Variants in CSMD3 observed in about 807,000 individuals in gnomAD.
CSMD3 encodes CUB and sushi domain-containing protein 3.
A neutral mutation model predicts 435.2 loss-of-function variants in CSMD3; 177 were observed. The ratio of observed to expected loss-of-function variants is 0.41; its 90% confidence interval spans 0.36 to 0.46. The LOEUF (loss-of-function observed/expected upper bound fraction) is 0.46. Ranked by LOEUF, CSMD3 falls within the 20% of genes least tolerant of loss-of-function variation. The probability of loss-of-function intolerance (pLI) is 0.34; values close to 1 mark genes in which losing one functional copy is unlikely to be tolerated. For synonymous variants in CSMD3, 1,656 were observed against 1,520.5 expected, an observed-to-expected ratio of 1.09 and a Z score of -2.07; for missense variants, 4,265 against 4,504.6, an observed-to-expected ratio of 0.95 and a Z score of 1.52.
intron 13 of CSMD3, among the ~76,000 whole-genome samples, chr8:112,799,006 G>C (rs1563971848): frequency 6.6e-6 from 1 of 150,998 alleles, no homozygotes. Flanking sequence ...CAAGTTGCCG[G>C]AAAAAAAAGA....
At chr8:112,827,868 C>A (rs1053327931) in intron 12 of CSMD3, among the ~76,000 whole-genome samples, 1 of 152,126 alleles carries the variant, frequency 6.6e-6, no homozygotes. Context: ...GAAGACAGTC[C>A]TAGCCAATTT....
intron 6 of CSMD3, among the ~76,000 whole-genome samples, chr8:112,982,149 A>AG (rs1188143104): frequency 1.3e-5 from 2 of 151,888 alleles, no homozygotes; most frequent in African/African-American, 4.8e-5. Flanking sequence ...TGCGTTTTGG[A>AG]GGTTTCTCCG....
intron 1 of CSMD3, among the ~76,000 whole-genome samples, chr8:113,429,802 G>A (rs1469250495): frequency 2.6e-5 from 4 of 151,978 alleles, no homozygotes; most frequent in Admixed American, 2.6e-4. Flanking sequence ...TCTGAGTTCT[G>A]GAATTAATGG....
chr8:112,950,379 G>A (rs945178959), intron 8 of CSMD3, among the ~76,000 whole-genome samples: 4 of 151,958 alleles, frequency 2.6e-5, no homozygotes, highest in African/African-American at 7.2e-5. Context: ...CATGACTTAA[G>A]CCTAACTACT....
At chr8:112,561,837 C>A (rs570148866) in intron 24 of CSMD3, among the ~76,000 whole-genome samples, 1 of 151,386 alleles carries the variant, frequency 6.6e-6, no homozygotes, top group Non-Finnish European at 1.5e-5. Context: ...TCATTTATTG[C>A]CTGGTATTGC....
rs746216392 is a variant in CSMD3 at position 112,404,127 on chromosome 8, A to G, written c.5809+2397T>C. ...AAATGACCAACCATCCTTCCTAGTTATTTGTGAGAGCCTAGTTTATACCAT... is the reference window on the plus strand; with the variant it reads ...AAATGACCAACCATCCTTCCTAGTTGTTTGTGAGAGCCTAGTTTATACCAT... On this transcript the variant is annotated intron_variant, in intron 35 of 70. Coordinates refer to ENST00000297405, the MANE Select transcript of CSMD3 (RefSeq NM_198123.2). 2.0e-5 allele frequency among the ~76,000 whole-genome samples: 3 copies of G among 152,148 alleles called. No individual in the cohort carries two copies. In the South Asian group the frequency reaches 6.2e-4, roughly 32 times the overall value.
At chr8:113,391,009 C>A (rs529812205) in intron 1 of CSMD3, among the ~76,000 whole-genome samples, 2 of 151,870 alleles carry the variant, frequency 1.3e-5, no homozygotes, top group Non-Finnish European at 1.5e-5. Context: ...TGGGAAAGCA[C>A]CTTGATTTAT....
chr8:112,663,618 C>T (rs935622116), intron 17 of CSMD3, among the ~76,000 whole-genome samples: 3 of 151,146 alleles, frequency 2.0e-5, no homozygotes, highest in African/African-American at 7.3e-5. Flanking sequence ...CACATGTACC[C>T]TAAAACTTAA....
chr8:112,674,935 T>C (rs2075739499), intron 16 of CSMD3, among the ~76,000 whole-genome samples: 1 of 152,092 alleles, frequency 6.6e-6, no homozygotes, highest in African/African-American at 2.4e-5. Flanking sequence ...GAAAGACAGA[T>C]ATACGGATTA....
At chr8:112,888,813 A>T (rs1721821511) in intron 10 of CSMD3, among the ~76,000 whole-genome samples, 1 of 151,638 alleles carries the variant, frequency 6.6e-6, no homozygotes, top group South Asian at 2.1e-4. Flanking sequence ...TAGGGCAGGA[A>T]GCAAGATGCA....
intron 10 of CSMD3, among the ~76,000 whole-genome samples, chr8:112,916,337 C>T (rs978124356): frequency 2.6e-5 from 4 of 151,732 alleles, no homozygotes; most frequent in African/African-American, 9.7e-5. Context: ...TCTATAAATG[C>T]ATCACTATTA....
intron 45 of CSMD3, among the ~76,000 whole-genome samples, chr8:112,326,398 C>G (rs533191473): frequency 6.6e-6 from 1 of 152,286 alleles, no homozygotes; most frequent in Admixed American, 6.5e-5. Flanking sequence ...AAATCTCGGT[C>G]TGCTGTTGGC....
At chr8:112,325,782 A>C (rs1823450737) in intron 45 of CSMD3, among the ~76,000 whole-genome samples, 3 of 152,058 alleles carry the variant, frequency 2.0e-5, no homozygotes, top group Admixed American at 1.3e-4. Flanking sequence ...TCTTATTTTG[A>C]ACACTGAAAA....
At chr8:113,083,943 A>T (rs948036447) in intron 5 of CSMD3, among the ~76,000 whole-genome samples, 1 of 152,170 alleles carries the variant, frequency 6.6e-6, no homozygotes, top group African/African-American at 2.4e-5. Context: ...TTTGCCCTCC[A>T]GTCTGGACAA....
intron 3 of CSMD3, among the ~76,000 whole-genome samples, chr8:113,197,854 GCA>G (rs1291965807): frequency 6.6e-6 from 1 of 150,744 alleles, no homozygotes; most frequent in Non-Finnish European, 1.5e-5. Flanking sequence ...TTATTAGATA[GCA>G]CAACATTGTT....
At chr8:112,890,061 G>C (rs1011872247) in intron 10 of CSMD3, among the ~76,000 whole-genome samples, 4 of 151,638 alleles carry the variant, frequency 2.6e-5, no homozygotes, top group African/African-American at 9.7e-5. Context: ...AAAAGCACTT[G>C]TTAATTATTA....
chr8:112,306,436 TCTTA>T lies in CSMD3; in HGVS notation c.7886-248_7886-245del, dbSNP rs779111629. On this transcript the variant is annotated intron_variant, in intron 50 of 70. Coordinates refer to ENST00000297405, the MANE Select transcript of CSMD3 (RefSeq NM_198123.2). ...ATTGTTAATGCTTTATTTCTTGGTT[TCTTA>T]CTTAATTTCTGGTGATCATGTGCAT... Among the ~76,000 whole-genome samples, 5 of 152,316 alleles carry T rather than the reference TCTTA, an allele frequency of 3.3e-5. No individual in the cohort carries two copies. The South Asian group carries it at 8.3e-4, about 25-fold the overall frequency.
At chr8:112,659,267 T>C (rs1160052289) in intron 17 of CSMD3, among the ~76,000 whole-genome samples, 1 of 152,220 alleles carries the variant, frequency 6.6e-6, no homozygotes. Context: ...GGGATAGGGT[T>C]ACACAATAAA....
chr8:113,216,508 A>T (rs1464482), intron 3 of CSMD3, among the ~76,000 whole-genome samples: 102,193 of 151,470 alleles, frequency 0.67, 36,404 homozygotes, highest in East Asian at 0.95. Flanking sequence ...ACATTTTTTT[A>T]AAATTTCAAA....
Sources: gnomAD v4.1 joint callset for allele counts (sites outside exome capture counted in the v4.1 genomes callset) on GRCh38, gnomAD v4.1.1 for gene constraint, MANE v1.5 for transcripts, NCBI Gene and HGNC (gene_info 2026-07-23, HGNC 2026-07-21) for gene names.